ARSL: variants seen among roughly 807,000 people sequenced by gnomAD.
ARSL encodes arylsulfatase L.
A neutral mutation model predicts 31.1 loss-of-function variants in ARSL; 4 were observed. The ratio of observed to expected loss-of-function variants is 0.13; its 90% confidence interval spans 0.06 to 0.29. The LOEUF (loss-of-function observed/expected upper bound fraction) is 0.29, where lower values mean the gene tolerates loss of function less well. ARSL is among the 10% of genes least tolerant of loss of function. The probability of loss-of-function intolerance (pLI) is 1.00; values close to 1 mark genes in which losing one functional copy is unlikely to be tolerated. For synonymous variants in ARSL, 198 were observed against 209.9 expected (o/e 0.94, Z 0.49); for missense variants, 312 against 497.8 (o/e 0.63, Z 3.55).
At position 2,943,125 on chromosome X, in the gene ARSL, C is replaced by T. The variant is rs372625507; in HGVS notation, c.1066G>A (p.Gly356Ser). 32 of 1,208,722 alleles carry T rather than the reference C, an allele frequency of 2.6e-5. No homozygotes were observed. The highest frequency in any genetic ancestry group is 5.3e-5 in the South Asian group (3 of 56,686). Reference sequence around the variant, plus strand: ...TTTCCAAGTTGATTCTCTAGGGAACCGCCGTGATCCGACGTAAAATAAATG... The same window carrying T: ...TTTCCAAGTTGATTCTCTAGGGAACTGCCGTGATCCGACGTAAAATAAATG... ...TLIYFTSDHG[G>S]SLENQLGNTQ... Residue 356 changes from glycine (G) to serine (S), a missense_variant, in exon 8 of 11, where the codon GGT (glycine) becomes AGT (serine). Transcript: ENST00000381134.
In ARSL at chrX:2,944,260, C is replaced by T. The variant is rs781612510; in HGVS notation, c.992-1061G>A. ...CACAAGGTCAGCAGTTCGAGACCAG[C>T]CTGGCCAACATGGTGAAACCCCATC... On this transcript the variant is annotated intron_variant, in intron 7 of 10. Transcript: ENST00000381134. Among the ~76,000 whole-genome samples, 206 of 109,192 alleles carry T rather than the reference C, an allele frequency of 1.9e-3. 1 individual carries two copies. The highest frequency in any genetic ancestry group is 6.6e-3 in the African/African-American group (199 of 30,022). 94.8% of individuals were successfully genotyped at this position (109,192 alleles called of 115,157 possible). A position where few individuals can be genotyped will look rare whatever the true frequency, so the allele number is the denominator to read the frequency against.
chrX:2,967,371 C>T (rs1340998578), upstream of ARSL, among the ~76,000 whole-genome samples: 1 of 111,754 alleles, frequency 8.9e-6, no homozygotes, highest in Non-Finnish European at 1.9e-5. Flanking sequence ...ACATTTTGGT[C>T]CAGATTTAAT....
chrX:2,938,380 TTCTC>T (rs34095951), intron 8 of ARSL, 123 bp from the exon 9 acceptor site: 141 of 744,200 alleles, frequency 1.9e-4, no homozygotes, highest in South Asian at 9.6e-4. Context: ...GTCTCTCAAT[TTCTC>T]TCTCTCTCTC....
At chrX:2,942,922 C>T (rs1347110267) in intron 8 of ARSL, 143 bp downstream of exon 8, 1 of 873,903 alleles carries the variant, frequency 1.1e-6, no homozygotes, top group East Asian at 3.2e-5. Context: ...TGGAGTATGT[C>T]AAATTACCAC....
intron 1 of ARSL, 78 bp from the exon 2 acceptor site, chrX:2,960,498 A>G (rs1391900504): frequency 9.9e-7 from 1 of 1,014,764 alleles, no homozygotes; most frequent in Non-Finnish European, 1.4e-6. Flanking sequence ...TAAGTAAGTA[A>G]TTAGGGGAAC....
chrX:2,961,181 G>C (rs760954814), intron 1 of ARSL, among the ~76,000 whole-genome samples: 10 of 111,590 alleles, frequency 9.0e-5, no homozygotes, highest in Non-Finnish European at 1.5e-4. Context: ...GAAATGTTCT[G>C]TCCACAGAGG....
At chrX:2,959,502 C>A (rs1391939753) in intron 2 of ARSL, 1 of 1,008,625 alleles carries the variant, frequency 9.9e-7, no homozygotes, top group Non-Finnish European at 1.3e-6. Context: ...CAGTGGGATG[C>A]AGTAAAGATG....
At chrX:2,946,158 A>G (rs2089376470) in intron 6 of ARSL, 24 bp from the exon 7 acceptor site, 1 of 1,207,576 alleles carries the variant, frequency 8.3e-7, no homozygotes, top group African/African-American at 1.7e-5. Context: ...CGAAGCAATT[A>G]AGGTGACTTT....
At chrX:2,965,332 C>G (rs1198432863), upstream of ARSL, among the ~76,000 whole-genome samples, 1 of 108,247 alleles carries the variant, frequency 9.2e-6, no homozygotes, top group African/African-American at 3.4e-5. Context: ...GAAACCCTGT[C>G]TCTGCTAAAA....
upstream of ARSL, chrX:2,968,106 C>T (rs2089712265): frequency 8.7e-7 from 1 of 1,152,772 alleles, no homozygotes; most frequent in African/African-American, 1.8e-5. Flanking sequence ...TCTGCACGTG[C>T]AAAAGCCGGC....
chrX:2,955,334 T>TA lies in ARSL; in HGVS notation c.307+81dup. On this transcript the variant is annotated intron_variant, in intron 4 of 10. Coordinates refer to ENST00000381134, the MANE Select transcript of ARSL (RefSeq NM_000047.3). ...CCCCAGTCTCTATTTAAATAAAAAA[T>TA]AAAAAAACCAAAATGTAAGAACTAG... is the stretch of plus-strand genomic sequence containing the variant. 3 of 1,149,690 alleles carry TA rather than the reference T, an allele frequency of 2.6e-6. No individual in the cohort carries two copies. In the South Asian group the frequency reaches 5.8e-5, roughly 22 times the overall value. 94.7% of individuals were successfully genotyped at this position (1,149,690 alleles called of 1,213,427 possible).
intron 9 of ARSL, among the ~76,000 whole-genome samples, chrX:2,937,158 T>A (rs5982929): frequency 9.2e-6 from 1 of 108,524 alleles, no homozygotes; most frequent in Non-Finnish European, 1.9e-5. Flanking sequence ...CTTTGGGAGG[T>A]CGAGGCGGGT....
intron 1 of ARSL, among the ~76,000 whole-genome samples, chrX:2,961,695 A>G (rs149429600): frequency 0.029 from 3,203 of 111,013 alleles, 126 homozygotes; most frequent in African/African-American, 0.1. Flanking sequence ...GACCCTTCCA[A>G]TCCTGAAAAG....
Position 2,949,405 on chromosome X carries a change from G to A in ARSL, c.753C>T (p.Ala251=), listed in dbSNP as rs756226879. 1.1e-5 allele frequency: 13 copies of A among 1,208,998 alleles called. No homozygotes were observed. Among genetic ancestry groups the A allele is most frequent in the Admixed American group, 6.6e-5 (3 of 45,496 alleles). The change falls in exon 6 of 11, where the codon GCC becomes GCT. Residue 251 remains alanine, a synonymous_variant. Transcript: ENST00000381134. The part of the protein sequence containing the change: ...SYFVGALIVH[A]DCFLMRNHTI... ...TGTGGTTTCTCATCAGAAAGCAATC[G>A]GCATGGACAATCAGAGCACCCACAA... is the stretch of plus-strand genomic sequence containing the variant.
intron 3 of ARSL, 86 bp from the exon 4 acceptor site, chrX:2,955,623 C>G: frequency 4.6e-6 from 5 of 1,077,421 alleles, no homozygotes; most frequent in Non-Finnish European, 6.4e-6. Flanking sequence ...CATAGAAGGT[C>G]TGCTGGTCAT....
intron 7 of ARSL, among the ~76,000 whole-genome samples, chrX:2,944,237 C>CTT (rs1569102504): frequency 1.8e-5 from 2 of 108,916 alleles, no homozygotes; most frequent in Non-Finnish European, 3.8e-5. Context: ...GGGCGGATCA[C>CTT]AAGGTCAGCA....
intron 10 of ARSL, among the ~76,000 whole-genome samples, chrX:2,936,251 C>T (rs765929805): frequency 9.1e-6 from 1 of 110,257 alleles, no homozygotes; most frequent in Non-Finnish European, 1.9e-5. Context: ...AGGAGAATCA[C>T]TTGAACCCGG....
Position 2,960,385 on chromosome X carries a change from G to T in ARSL, c.16C>A (p.His6Asn). MLHLH[H>N]SCLCFRSWLP... ...CATATAATTGTATCTTACCAAGAAT[G>T]GTGCAGATGTAACATGTTGTCTCTC... Residue 6 changes from histidine (H) to asparagine (N), a missense_variant, in exon 2 of 11, where the codon CAT becomes AAT. By Grantham distance (68) the His-to-Asn change is moderately conservative. Transcript: ENST00000381134. 8.4e-7 allele frequency: 1 copy of T among 1,187,359 alleles called. No homozygotes were observed.
chrX:2,941,987 C>T (rs2089288397), intron 8 of ARSL, among the ~76,000 whole-genome samples: 1 of 112,663 alleles, frequency 8.9e-6, no homozygotes, highest in African/African-American at 3.2e-5. Context: ...TAACACAGGC[C>T]TCCGTAACAA....
Sources: allele counts gnomAD v4.1 joint callset (sites outside exome capture counted in the v4.1 genomes callset), GRCh38; gene constraint gnomAD v4.1.1; transcripts MANE v1.5; gene names NCBI Gene and HGNC (gene_info 2026-07-23, HGNC 2026-07-21).